Variants in USP39 observed in about 807,000 individuals in gnomAD.
USP39 encodes the protein ubiquitin carboxyl-terminal hydrolase 39.
Under a neutral mutation model 66.4 loss-of-function variants are expected in USP39, and 38 were observed. The ratio of observed to expected loss-of-function variants is 0.57; its 90% CI spans 0.44 to 0.75. The LOEUF is 0.75. Ranked by LOEUF, USP39 falls within the 30% of genes least tolerant of loss-of-function variation. USP39 has a pLI of 0.00. For missense variants in USP39, 608 were observed against 714.4 expected, an observed-to-expected ratio of 0.85 and a Z score of 1.70; for synonymous variants, 303 against 274.6, an observed-to-expected ratio of 1.10 and a Z score of -1.02.
chr2:85,639,468 T>C lies in USP39; in HGVS notation c.1284+77T>C, dbSNP rs1163015762. On this transcript the variant is annotated intron_variant, in intron 9 of 12. Coordinates refer to ENST00000323701, the MANE Select transcript of USP39 (RefSeq NM_006590.4). ...TTTTTCATTTTCTTTTTTTTTTTTT[T>C]TTCAAGACAGAGTTTTGCTCTTGTC... is the stretch of plus-strand genomic sequence containing the variant. 4.8e-6 allele frequency: 7 copies of C among 1,448,980 alleles called. No homozygotes were observed. The South Asian group carries it at 9.6e-5, about 20-fold the overall frequency. The allele number at this position is 1,448,980 out of a possible 1,614,324, so 89.8% of individuals were successfully genotyped here. A position where few individuals can be genotyped will look rare whatever the true frequency, so the allele number is the denominator to read the frequency against.
chr2:85,642,098 G>A (rs1011771530), intron 10 of USP39, among the ~76,000 whole-genome samples: 1 of 152,098 alleles, frequency 6.6e-6, no homozygotes, highest in Non-Finnish European at 1.5e-5. Flanking sequence ...GAGAGGCTTG[G>A]AGTAGATGGG....
chr2:85,604,096 C>G (rs1673121299), intron 1 of USP39, among the ~76,000 whole-genome samples: 1 of 152,166 alleles, frequency 6.6e-6, no homozygotes, highest in Non-Finnish European at 1.5e-5. Context: ...CTATGTGAAA[C>G]AACAGGGTCC....
upstream of USP39, chr2:85,611,656 G>C: frequency 6.4e-7 from 1 of 1,559,304 alleles, no homozygotes; most frequent in South Asian, 1.2e-5. Context: ...CAGGCGGGGC[G>C]GGCGGCCTCA....
intron 1 of USP39, among the ~76,000 whole-genome samples, chr2:85,606,284 C>T (rs1673211035): frequency 6.6e-6 from 1 of 152,226 alleles, no homozygotes. Context: ...CTGTACGCCA[C>T]AGCACCGGAC....
At chr2:85,616,507 T>C (rs1673967348) in intron 1 of USP39, 44 bp downstream of exon 1, 3 of 1,180,548 alleles carry the variant, frequency 2.5e-6, no homozygotes, top group South Asian at 3.5e-5. Context: ...CCTGTTTTTT[T>C]CGCGTCCTTT....
At chr2:85,631,013 G>T in intron 6 of USP39, 67 bp downstream of exon 6, 9 of 1,535,376 alleles carry the variant, frequency 5.9e-6, no homozygotes, top group Non-Finnish European at 6.2e-6. Context: ...ATTTCCACTT[G>T]GCAGTGAATT....
upstream of USP39, among the ~76,000 whole-genome samples, chr2:85,613,196 A>G (rs1476692347): frequency 6.6e-6 from 1 of 151,980 alleles, no homozygotes; most frequent in African/African-American, 2.4e-5. Flanking sequence ...TCGTCTCTAC[A>G]AGAAAAAAAT....
intron 7 of USP39, among the ~76,000 whole-genome samples, chr2:85,637,017 C>T (rs1558868018): frequency 1.3e-5 from 2 of 152,282 alleles, no homozygotes; most frequent in African/African-American, 2.4e-5. Context: ...TTGAAAGTAG[C>T]TTATGGTTAT....
chr2:85,640,928 A>G (rs1676189428), intron 9 of USP39, 48 bp from the exon 10 acceptor site: 2 of 1,547,584 alleles, frequency 1.3e-6, no homozygotes, highest in Non-Finnish European at 1.7e-6. Context: ...CTGCTCTAAT[A>G]CTACTGAACT....
chr2:85,637,824 G>A (rs1675899683), intron 8 of USP39, among the ~76,000 whole-genome samples: 1 of 151,948 alleles, frequency 6.6e-6, no homozygotes, highest in Admixed American at 6.6e-5. Context: ...AGCCTCCTGA[G>A]TGGCTGTGAT....
chr2:85,647,063 A>G (rs1050593487), intron 11 of USP39, among the ~76,000 whole-genome samples: 2 of 151,862 alleles, frequency 1.3e-5, no homozygotes, highest in Non-Finnish European at 2.9e-5. Flanking sequence ...TAATTTTTGT[A>G]TTTTTGGTAG....
chr2:85,621,669 A>G (rs1674474275), intron 3 of USP39, 90 bp downstream of exon 3: 8 of 995,928 alleles, frequency 8.0e-6, no homozygotes, highest in Non-Finnish European at 1.2e-5. Flanking sequence ...CAGGAATCAT[A>G]TCTAATAATT....
At chr2:85,633,530 G>T (rs1433965744) in intron 6 of USP39, among the ~76,000 whole-genome samples, 1 of 152,108 alleles carries the variant, frequency 6.6e-6, no homozygotes, top group Non-Finnish European at 1.5e-5. Flanking sequence ...ACCACTTTGG[G>T]AGATCAAGGT....
upstream of USP39, chr2:85,607,596 G>T (rs1242959694): frequency 6.6e-6 from 1 of 152,198 alleles, no homozygotes; most frequent in Non-Finnish European, 1.5e-5. Context: ...TTAATGACAA[G>T]ATTGAAGTAG....
At chr2:85,622,055 G>C (rs1044350312) in intron 3 of USP39, among the ~76,000 whole-genome samples, 5 of 151,974 alleles carry the variant, frequency 3.3e-5, no homozygotes, top group Middle Eastern at 3.4e-3. Context: ...CCTGGCCGCA[G>C]GTGATCCACC....
upstream of USP39, chr2:85,612,043 C>T (rs1673586739): frequency 1.6e-6 from 2 of 1,252,366 alleles, no homozygotes; most frequent in Non-Finnish European, 2.1e-6. Context: ...AGCCACCCGC[C>T]CACAGAGCTC....
chr2:85,633,831 CTTTTTTTTTT>C (rs35970499), intron 6 of USP39, among the ~76,000 whole-genome samples: 1 of 78,996 alleles, frequency 1.3e-5, no homozygotes, highest in African/African-American at 5.2e-5. Flanking sequence ...CGAGTAGTGG[CTTTTTTTTTT>C]TTTTTTTTTT....
intron 1 of USP39, chr2:85,606,778 TCTTC>T (rs1673228448): frequency 3.3e-5 from 5 of 151,218 alleles, no homozygotes; most frequent in Admixed American, 3.3e-4. Flanking sequence ...GCCTTTTACC[TCTTC>T]CTTTTTTTTT....
At chr2:85,644,801 A>G (rs1676516345) in intron 10 of USP39, 147 bp from the exon 11 acceptor site, 2 of 979,102 alleles carry the variant, frequency 2.0e-6, no homozygotes, top group Non-Finnish European at 2.9e-6. Flanking sequence ...ATTCCAACGC[A>G]CCTGGACCTT....
Sources: gnomAD v4.1 joint callset for allele counts (sites outside exome capture counted in the v4.1 genomes callset) on GRCh38, gnomAD v4.1.1 for gene constraint, MANE v1.5 for transcripts, NCBI Gene and HGNC (gene_info 2026-07-23, HGNC 2026-07-21) for gene names.